ZBTB20: variants seen among roughly 807,000 people sequenced by gnomAD.
The protein encoded by ZBTB20 is zinc finger and BTB domain-containing protein 20.
ZBTB20 carries 9 observed loss-of-function variants against 56.9 expected under a neutral mutation model. That is an observed-to-expected ratio of 0.16 (90% confidence interval 0.10 to 0.28). The LOEUF is 0.28. Among genes scored for constraint, ZBTB20 ranks in the 10% least tolerant of loss-of-function variants. The pLI is 1.00. For missense variants in ZBTB20, 655 were observed against 1,003.0 expected (o/e 0.65, Z 4.69); for synonymous variants, 417 against 420.7 (o/e 0.99, Z 0.11).
intron 6 of ZBTB20, among the ~76,000 whole-genome samples, chr3:114,521,628 C>G (rs962044413): frequency 6.6e-6 from 1 of 152,078 alleles, no homozygotes; most frequent in Non-Finnish European, 1.5e-5. Context: ...ACTATATTTT[C>G]TTAAGTTTCT....
At chr3:114,728,964 C>T (rs889558863) in intron 5 of ZBTB20, among the ~76,000 whole-genome samples, 6 of 151,970 alleles carry the variant, frequency 3.9e-5, no homozygotes, top group South Asian at 2.1e-4. Context: ...ATAATGCATG[C>T]GGAGCTTAAT....
chr3:114,823,364 G>A (rs988149250), intron 4 of ZBTB20, among the ~76,000 whole-genome samples: 1 of 152,070 alleles, frequency 6.6e-6, no homozygotes, highest in African/African-American at 2.4e-5. Flanking sequence ...TTATGAAAAG[G>A]ACTTCAGCAT....
intron 10 of ZBTB20, among the ~76,000 whole-genome samples, chr3:114,355,137 T>TAGAG (rs1392512631): frequency 1.3e-5 from 2 of 152,156 alleles, no homozygotes; most frequent in African/African-American, 4.8e-5. Context: ...AAGGTTGCTT[T>TAGAG]AGAGATAAGA....
intron 5 of ZBTB20, among the ~76,000 whole-genome samples, chr3:114,698,613 C>A (rs1211545830): frequency 6.6e-6 from 1 of 152,096 alleles, no homozygotes; most frequent in Admixed American, 6.6e-5. Flanking sequence ...AAGAGAAGTT[C>A]TCTTTAGTAA....
At chr3:114,675,278 T>C (rs1259507621) in intron 6 of ZBTB20, among the ~76,000 whole-genome samples, 2 of 146,360 alleles carry the variant, frequency 1.4e-5, no homozygotes, top group African/African-American at 5.1e-5. Flanking sequence ...TCCTTGTAGC[T>C]CCCCTGTCAA....
chr3:114,696,020 T>C (rs566551906), intron 5 of ZBTB20, among the ~76,000 whole-genome samples: 2 of 152,174 alleles, frequency 1.3e-5, no homozygotes, highest in South Asian at 4.1e-4. Flanking sequence ...AATATATATA[T>C]ACTAGCTTAG....
chr3:114,777,795 T>C (rs369687008), intron 5 of ZBTB20, among the ~76,000 whole-genome samples: 2 of 151,944 alleles, frequency 1.3e-5, no homozygotes, highest in South Asian at 2.1e-4. Flanking sequence ...CACATGCACA[T>C]GTATGTTTAT....
intron 6 of ZBTB20, among the ~76,000 whole-genome samples, chr3:114,609,217 A>G (rs747102791): frequency 2.7e-4 from 41 of 152,216 alleles, no homozygotes; most frequent in Non-Finnish European, 4.3e-4. Context: ...AAGAAAACTA[A>G]CCAAGAAACA....
At chr3:115,141,122 C>T (rs1015770622) in intron 1 of ZBTB20, among the ~76,000 whole-genome samples, 3 of 151,796 alleles carry the variant, frequency 2.0e-5, no homozygotes, top group Non-Finnish European at 2.9e-5. Context: ...ACTGTTGGCC[C>T]AAAGAACAAA....
intron 6 of ZBTB20, among the ~76,000 whole-genome samples, chr3:114,602,222 G>A (rs1230170653): frequency 6.6e-6 from 1 of 152,028 alleles, no homozygotes; most frequent in African/African-American, 2.4e-5. Flanking sequence ...TGACACTGAG[G>A]CTGGCTGAGA....
chr3:114,333,173 A>G lies in ZBTB20; in HGVS notation c.*5832T>C, dbSNP rs1348620929. On this transcript the variant is annotated 3_prime_UTR_variant, in exon 12 of 12. Coordinates refer to ENST00000675478, the MANE Select transcript of ZBTB20 (RefSeq NM_001348800.3). ...GCTAGAAATGATGCTTTGGATTAGT[A>G]GTTTCCACATTCTGAATTTATAGGA... 2 of 152,224 alleles carry G rather than the reference A, an allele frequency of 1.3e-5. No individual in the cohort carries two copies. Among genetic ancestry groups the G allele is most frequent in the East Asian group, 3.8e-4 (2 of 5,198 alleles). The allele number at this position is 152,224 out of a possible 1,614,324, so 9.4% of individuals were successfully genotyped here.
At chr3:114,663,641 C>T (rs1307836720) in intron 6 of ZBTB20, among the ~76,000 whole-genome samples, 1 of 151,302 alleles carries the variant, frequency 6.6e-6, no homozygotes, top group Admixed American at 6.6e-5. Flanking sequence ...ATTCAGGAAA[C>T]CCATCTCACG....
intron 2 of ZBTB20, among the ~76,000 whole-genome samples, chr3:115,034,512 C>T (rs2080834518): frequency 6.6e-6 from 1 of 151,654 alleles, no homozygotes; most frequent in African/African-American, 2.4e-5. Context: ...AAGAATAATA[C>T]TATTTAGAAA....
In ZBTB20 at chr3:114,327,071, A is replaced by G. The variant is rs2079088899; in HGVS notation, c.*11934T>C. 6.6e-6 allele frequency: 1 copy of G among 152,162 alleles called. No individual in the cohort carries two copies. The highest frequency in any genetic ancestry group is 2.4e-5 in the African/African-American group (1 of 41,436). The allele number at this position is 152,162 out of a possible 1,614,324, so 9.4% of individuals were successfully genotyped here. Reference sequence around the variant, plus strand: ...GTGTTTCTGTCTATTATTTTGATGCATTAGTTACTGTTAGGGCTATTGATG... The same window carrying G: ...GTGTTTCTGTCTATTATTTTGATGCGTTAGTTACTGTTAGGGCTATTGATG... On this transcript the variant is annotated 3_prime_UTR_variant, in exon 12 of 12. Coordinates refer to ENST00000675478, the MANE Select transcript of ZBTB20 (RefSeq NM_001348800.3).
chr3:114,861,696 C>T (rs952537827), intron 4 of ZBTB20: 4 of 53,204 alleles, frequency 7.5e-5, no homozygotes, highest in African/African-American at 1.3e-4. Context: ...CACACACACA[C>T]ACACAAACAC....
intron 3 of ZBTB20, among the ~76,000 whole-genome samples, chr3:114,924,298 C>T (rs1198816124): frequency 6.6e-6 from 1 of 152,056 alleles, no homozygotes; most frequent in Non-Finnish European, 1.5e-5. Context: ...AAGATGGAAA[C>T]TACCTAAGTA....
intron 5 of ZBTB20, among the ~76,000 whole-genome samples, chr3:114,718,959 T>C (rs2064710444): frequency 6.6e-6 from 1 of 151,942 alleles, no homozygotes; most frequent in Non-Finnish European, 1.5e-5. Context: ...AGTTAAACTT[T>C]AACCATATTA....
At chr3:114,992,284 A>C (rs945933303) in intron 2 of ZBTB20, among the ~76,000 whole-genome samples, 6 of 152,048 alleles carry the variant, frequency 3.9e-5, no homozygotes, top group Admixed American at 2.6e-4. Flanking sequence ...TAAATATATT[A>C]ATCATATACA....
intron 6 of ZBTB20, among the ~76,000 whole-genome samples, chr3:114,655,217 A>G (rs1355620567): frequency 4.1e-5 from 4 of 97,122 alleles, no homozygotes; most frequent in African/African-American, 1.3e-4. Flanking sequence ...GGTTTTTGTC[A>G]TTGTTATTCT....
Sources: allele counts gnomAD v4.1 joint callset (sites outside exome capture counted in the v4.1 genomes callset), GRCh38; gene constraint gnomAD v4.1.1; transcripts MANE v1.5; gene names NCBI Gene and HGNC (gene_info 2026-07-23, HGNC 2026-07-21).